Variants in GASK1A observed in about 807,000 individuals in gnomAD.
GASK1A encodes golgi associated kinase 1A.
A neutral mutation model predicts 41.2 loss-of-function variants in GASK1A; 40 were observed. The ratio of observed to expected loss-of-function variants is 0.97; its 90% CI spans 0.75 to 1.27. GASK1A has a LOEUF of 1.27. Among genes scored for constraint, GASK1A ranks in the 50% most tolerant of loss-of-function variants. The pLI, the probability that GASK1A is intolerant of heterozygous loss-of-function variation, is 0.00. For missense variants in GASK1A, 678 were observed against 745.1 expected (o/e 0.91, Z 1.05); for synonymous variants, 316 against 307.1 (o/e 1.03, Z -0.30).
At chr3:43,039,671 C>T (rs1388798833) in intron 2 of GASK1A, among the ~76,000 whole-genome samples, 1 of 152,200 alleles carries the variant, frequency 6.6e-6, no homozygotes, top group Non-Finnish European at 1.5e-5. Flanking sequence ...TCTCCCTCCA[C>T]CTTCAAGTAG....
intron 1 of GASK1A, among the ~76,000 whole-genome samples, chr3:43,009,280 C>T (rs139555808): frequency 6.4e-4 from 97 of 152,320 alleles, no homozygotes; most frequent in African/African-American, 2.1e-3. Context: ...CACAACTCAT[C>T]ATCTCCCATG....
Position 43,033,443 on chromosome 3 carries a change from CA to C in GASK1A, c.1181del (p.Gln394ArgfsTer103), listed in dbSNP as rs2089590145. 1 of 1,551,242 alleles carries C rather than the reference CA, an allele frequency of 6.4e-7. No homozygotes were observed. The highest frequency in any genetic ancestry group is 1.2e-5 in the South Asian group (1 of 84,072). ...DQNSLALGWL[Q>X]YQALLAHSCN... ...GAACTCTCTGGCCTTGGGCTGGCTG[CA>C]GTATCAGGCCCTGCTGGCACACAGC... On this transcript the variant is annotated frameshift_variant, in exon 2 of 5. Coordinates refer to ENST00000430121, the MANE Select transcript of GASK1A (RefSeq NM_001129908.3). LOFTEE classifies it high-confidence loss of function.
At chr3:43,054,669 A>C (rs1009087504) in intron 3 of GASK1A, among the ~76,000 whole-genome samples, 1 of 152,232 alleles carries the variant, frequency 6.6e-6, no homozygotes, top group African/African-American at 2.4e-5. Context: ...TATTTGGGAA[A>C]GGAGTGCATG....
chr3:43,053,841 A>C, intron 3 of GASK1A, 198 bp downstream of exon 3: 1 of 728,788 alleles, frequency 1.4e-6, no homozygotes, highest in Non-Finnish European at 2.4e-6. Flanking sequence ...AGCTTTAAGA[A>C]TGTGCCTGAG....
At chr3:43,006,582 G>C (rs1029531850) in intron 1 of GASK1A, among the ~76,000 whole-genome samples, 6 of 152,132 alleles carry the variant, frequency 3.9e-5, no homozygotes, top group Non-Finnish European at 8.8e-5. Context: ...TGATTACTTG[G>C]TATAAAACTT....
At chr3:42,995,523 G>T (rs2089364483) in intron 1 of GASK1A, among the ~76,000 whole-genome samples, 1 of 152,158 alleles carries the variant, frequency 6.6e-6, no homozygotes, top group South Asian at 2.1e-4. Flanking sequence ...ACATCTGCAG[G>T]CCAGATTTGG....
At chr3:42,985,575 GTGTGTGTGTGT>G (rs1204515465) in intron 1 of GASK1A, among the ~76,000 whole-genome samples, 2 of 147,764 alleles carry the variant, frequency 1.4e-5, no homozygotes, top group African/African-American at 2.4e-5. Flanking sequence ...GTGTGTGTGT[GTGTGTGTGTGT>G]GGGCGGAGGC....
chr3:43,047,920 G>C (rs959475515), intron 2 of GASK1A, among the ~76,000 whole-genome samples: 1 of 152,110 alleles, frequency 6.6e-6, no homozygotes, highest in African/African-American at 2.4e-5. Context: ...TCTGTTACTT[G>C]TGGCTGAAAA....
At chr3:43,001,221 C>T (rs1477184174) in intron 1 of GASK1A, among the ~76,000 whole-genome samples, 3 of 152,120 alleles carry the variant, frequency 2.0e-5, no homozygotes, top group African/African-American at 4.8e-5. Flanking sequence ...AAGCCGACCC[C>T]GGGTCATATG....
chr3:43,033,268 T>C lies in GASK1A; in HGVS notation c.1005T>C (p.Asp335=). Residue 335 remains aspartate (D), a synonymous_variant, in exon 2 of 5, where the codon GAT becomes GAC. Coordinates refer to ENST00000430121, the MANE Select transcript of GASK1A (RefSeq NM_001129908.3). ...CTGAGGTCCTGTCCTTCCACGTAGA[T>C]CGTGTGCTGGGGCTGCGCCGGAGCC... ...DLPEVLSFHV[D]RVLGLRRSLP... The C allele has an allele frequency of 1.3e-6, 2 of 1,551,644 alleles. No homozygotes were observed. Among genetic ancestry groups the C allele is most frequent in the East Asian group, 2.4e-5 (1 of 40,920 alleles).
At chr3:43,008,087 G>A (rs2089445596) in intron 1 of GASK1A, among the ~76,000 whole-genome samples, 1 of 152,214 alleles carries the variant, frequency 6.6e-6, no homozygotes, top group Admixed American at 6.5e-5. Flanking sequence ...ATAAACTGAT[G>A]GAGTTAGCTA....
intron 1 of GASK1A, among the ~76,000 whole-genome samples, chr3:42,983,300 G>A (rs1295391286): frequency 6.6e-6 from 1 of 152,088 alleles, no homozygotes; most frequent in African/African-American, 2.4e-5. Flanking sequence ...AAGATTGGGG[G>A]CTTTACAAAC....
chr3:43,034,710 A>G (rs370803723), intron 2 of GASK1A, among the ~76,000 whole-genome samples: 6 of 152,202 alleles, frequency 3.9e-5, no homozygotes, highest in African/African-American at 1.4e-4. Context: ...AAATTCTTAG[A>G]TAATATGTAA....
rs139968536 is a variant in GASK1A at position 43,020,278 on chromosome 3, G to A, written c.4-11989G>A. Among the ~76,000 whole-genome samples, 628 of 152,256 alleles carry A rather than the reference G, an allele frequency of 4.1e-3. 8 individuals are homozygous for A. The highest frequency in any genetic ancestry group is 0.014 in the African/African-American group (589 of 41,542). On this transcript the variant is annotated intron_variant, in intron 1 of 4. Transcript: ENST00000430121. The stretch of plus-strand genomic sequence containing the variant: ...CTAAGTACGGTCCTTTCCTCCAAGC[G>A]TTCCTGTTTCTCAAGCTGTCTCTGT...
At chr3:43,037,457 CT>C in intron 2 of GASK1A, 1 of 723,954 alleles carries the variant, frequency 1.4e-6, no homozygotes, top group East Asian at 2.5e-5. Flanking sequence ...AGTAAACTTA[CT>C]TTTTATAGAG....
chr3:43,009,110 C>T (rs1326392849), intron 1 of GASK1A, among the ~76,000 whole-genome samples: 1 of 152,190 alleles, frequency 6.6e-6, no homozygotes, highest in Non-Finnish European at 1.5e-5. Flanking sequence ...GAACCATTTT[C>T]ATACTCATTT....
chr3:43,022,244 T>C (rs184804241), intron 1 of GASK1A, among the ~76,000 whole-genome samples: 32 of 152,340 alleles, frequency 2.1e-4, no homozygotes, highest in African/African-American at 7.5e-4. Flanking sequence ...GCTGCTTTTC[T>C]TTTCCCAAAG....
In GASK1A at chr3:42,989,609, T is replaced by G. The variant is rs565882911; in HGVS notation, c.3+9964T>G. ...TTATCATGGAAAATCCTACCTGCTT[T>G]CTTTTTTTTTTTTTTTTTTTTTTTT... is the stretch of plus-strand genomic sequence containing the variant. On this transcript the variant is annotated intron_variant, in intron 1 of 4. Transcript: ENST00000430121. Among the ~76,000 whole-genome samples the G allele has an allele frequency of 3.0e-3, 21 of 7,070 alleles. 2 individuals are homozygous for G. The highest frequency in any genetic ancestry group is 3.8e-3 in the African/African-American group (21 of 5,502). 4.6% of individuals were successfully genotyped at this position (7,070 alleles called of 152,430 possible). A position where few individuals can be genotyped will look rare whatever the true frequency, so the allele number is the denominator to read the frequency against.
intron 2 of GASK1A, among the ~76,000 whole-genome samples, chr3:43,049,295 G>T (rs1190870723): frequency 6.8e-6 from 1 of 147,204 alleles, no homozygotes; most frequent in Non-Finnish European, 1.5e-5. Flanking sequence ...TAGATATAGA[G>T]ATGTATCAAT....
Sources: gnomAD v4.1 joint callset for allele counts (sites outside exome capture counted in the v4.1 genomes callset) on GRCh38, gnomAD v4.1.1 for gene constraint, MANE v1.5 for transcripts, NCBI Gene and HGNC (gene_info 2026-07-23, HGNC 2026-07-21) for gene names.